Variants in CHST11 observed in about 807,000 individuals in gnomAD.
CHST11 encodes C4S-1.
In CHST11, 9 loss-of-function variants were observed where a neutral mutation model predicts 30.4. The observed-to-expected ratio is 0.30, with a 90% CI of 0.18 to 0.52. The LOEUF is 0.52. Ranked by LOEUF, CHST11 falls within the 20% of genes least tolerant of loss-of-function variation. The pLI is 0.97. For missense variants in CHST11, 348 were observed against 460.6 expected (o/e 0.76, Z 2.24); for synonymous variants, 152 against 187.8 (o/e 0.81, Z 1.56).
intron 2 of CHST11, among the ~76,000 whole-genome samples, chr12:104,619,029 G>A (rs1290718210): frequency 1.3e-5 from 2 of 152,236 alleles, no homozygotes; most frequent in African/African-American, 2.4e-5. Context: ...CTGAGTCAAT[G>A]CCTGCCCGCA....
At chr12:104,497,909 CT>C (rs1205174607) in intron 1 of CHST11, among the ~76,000 whole-genome samples, 17,902 of 76,000 alleles carry the variant, frequency 0.24, 605 homozygotes, top group African/African-American at 0.31. Context: ...CCTGCCCCCT[CT>C]TTTTTTTTTT....
intron 2 of CHST11, among the ~76,000 whole-genome samples, chr12:104,622,052 C>T (rs2039164452): frequency 6.6e-6 from 1 of 152,226 alleles, no homozygotes; most frequent in South Asian, 2.1e-4. Context: ...TATAAGCCGG[C>T]AACCCCGGTG....
chr12:104,610,518 A>G (rs184453558), intron 2 of CHST11, among the ~76,000 whole-genome samples: 13 of 152,352 alleles, frequency 8.5e-5, no homozygotes, highest in Admixed American at 2.0e-4. Flanking sequence ...ATGGTAACAC[A>G]GCTGTACAAT....
intron 2 of CHST11, among the ~76,000 whole-genome samples, chr12:104,745,489 T>C (rs1192292027): frequency 6.6e-6 from 1 of 152,218 alleles, no homozygotes; most frequent in East Asian, 1.9e-4. Context: ...TCAGTGGTAG[T>C]TTAATAGGAA....
chr12:104,693,349 C>T (rs1592842396), intron 2 of CHST11, among the ~76,000 whole-genome samples: 1 of 152,322 alleles, frequency 6.6e-6, no homozygotes, highest in East Asian at 1.9e-4. Flanking sequence ...ACCCAGAGGC[C>T]ATGCTCTTAA....
intron 1 of CHST11, among the ~76,000 whole-genome samples, chr12:104,461,506 G>GC (rs1163507437): frequency 6.6e-6 from 1 of 152,162 alleles, no homozygotes; most frequent in Non-Finnish European, 1.5e-5. Context: ...AAGCTGAGAG[G>GC]CCCCCCAGGC....
At chr12:104,479,011 C>G (rs576096073) in intron 1 of CHST11, among the ~76,000 whole-genome samples, 47 of 152,196 alleles carry the variant, frequency 3.1e-4, no homozygotes, top group African/African-American at 1.1e-3. Flanking sequence ...CAAGGCATGT[C>G]CAAGGAAAAG....
At chr12:104,467,384 G>A (rs1565951835) in intron 1 of CHST11, among the ~76,000 whole-genome samples, 1 of 152,198 alleles carries the variant, frequency 6.6e-6, no homozygotes, top group South Asian at 2.1e-4. Context: ...TTGTGGCACA[G>A]TGTCCACTAG....
intron 2 of CHST11, among the ~76,000 whole-genome samples, chr12:104,607,835 C>T (rs1266073175): frequency 2.6e-5 from 4 of 152,090 alleles, no homozygotes; most frequent in African/African-American, 7.2e-5. Flanking sequence ...TTGGAGGTCA[C>T]GAGGAGCCCA....
rs187107079 is a variant in CHST11, at chr12:104,620,634, G to A, written c.204+18643G>A. On this transcript the variant is annotated intron_variant, in intron 2 of 2. Transcript: ENST00000303694. ...TCTCCATTTATTTATTTATTTATTTGTTTGTTTGTTTGTTTTTATTACTTA... is the reference window on the plus strand; with the variant it reads ...TCTCCATTTATTTATTTATTTATTTATTTGTTTGTTTGTTTTTATTACTTA... Among the ~76,000 whole-genome samples the A allele has an allele frequency of 1.4e-3, 205 of 151,098 alleles. 2 individuals are homozygous for A. Among genetic ancestry groups the A allele is most frequent in the Non-Finnish European group, 2.0e-3 (136 of 67,948 alleles).
At chr12:104,541,130 T>A (rs61940004) in intron 1 of CHST11, among the ~76,000 whole-genome samples, 73,330 of 146,432 alleles carry the variant, frequency 0.5, 19,134 homozygotes, top group Middle Eastern at 0.77. Context: ...TCTCTCTCTC[T>A]CACACACACA....
intron 2 of CHST11, among the ~76,000 whole-genome samples, chr12:104,671,752 C>CTCTCTCTCTCTG (rs559173782): frequency 6.7e-6 from 1 of 149,758 alleles, no homozygotes; most frequent in African/African-American, 2.5e-5. Context: ...CTCTCTTTTT[C>CTCTCTCTCTCTG]TCTCTCTCTC....
At chr12:104,719,043 GA>G (rs1019073416) in intron 2 of CHST11, among the ~76,000 whole-genome samples, 3 of 152,176 alleles carry the variant, frequency 2.0e-5, no homozygotes, top group Non-Finnish European at 4.4e-5. Flanking sequence ...TGAGGGTACA[GA>G]ATGGGGCACA....
At chr12:104,628,512 A>C (rs1051550331) in intron 2 of CHST11, among the ~76,000 whole-genome samples, 3 of 152,236 alleles carry the variant, frequency 2.0e-5, no homozygotes, top group African/African-American at 7.2e-5. Context: ...ACTGATGCTC[A>C]GTGAAATGTG....
At chr12:104,580,539 A>C (rs943541505) in intron 1 of CHST11, among the ~76,000 whole-genome samples, 2 of 152,252 alleles carry the variant, frequency 1.3e-5, no homozygotes, top group Non-Finnish European at 2.9e-5. Flanking sequence ...AGACACAATC[A>C]GAGAATGGTA....
At chr12:104,491,842 G>A (rs1409184061) in intron 1 of CHST11, among the ~76,000 whole-genome samples, 2 of 152,008 alleles carry the variant, frequency 1.3e-5, no homozygotes, top group Admixed American at 6.6e-5. Flanking sequence ...ACCACTCACT[G>A]GGGCCCACAA....
At chr12:104,476,897 C>A (rs182758966) in intron 1 of CHST11, among the ~76,000 whole-genome samples, 3 of 151,286 alleles carry the variant, frequency 2.0e-5, no homozygotes, top group Non-Finnish European at 4.4e-5. Context: ...CAGTCCCTGG[C>A]GTATGACAGA....
At chr12:104,466,827 A>G (rs2037464566) in intron 1 of CHST11, among the ~76,000 whole-genome samples, 1 of 152,206 alleles carries the variant, frequency 6.6e-6, no homozygotes, top group South Asian at 2.1e-4. Flanking sequence ...CTTTCTGACT[A>G]GTGACTGCAA....
At chr12:104,565,955 G>A (rs2038561525) in intron 1 of CHST11, among the ~76,000 whole-genome samples, 1 of 152,184 alleles carries the variant, frequency 6.6e-6, no homozygotes. Context: ...CGTTTCTTGG[G>A]AGAGCAGGGA....
Sources: gnomAD v4.1 joint callset for allele counts (sites outside exome capture counted in the v4.1 genomes callset) on GRCh38, gnomAD v4.1.1 for gene constraint, MANE v1.5 for transcripts, NCBI Gene and HGNC (gene_info 2026-07-23, HGNC 2026-07-21) for gene names.